UGT1A3: variants seen among roughly 807,000 people sequenced by gnomAD.
The protein encoded by UGT1A3 is UDP glucuronosyltransferase family 1 member A3.
UGT1A3 carries 31 observed loss-of-function variants against 41.0 expected under a neutral mutation model. The observed-to-expected ratio is 0.76, with a 90% CI of 0.57 to 1.02. UGT1A3 has a LOEUF of 1.02. Among genes scored for constraint, UGT1A3 ranks in the 50% least tolerant of loss-of-function variants. UGT1A3 has a pLI of 0.00. For missense variants in UGT1A3, 737 were observed against 671.0 expected (o/e 1.10, Z -1.09); for synonymous variants, 262 against 257.6 (o/e 1.02, Z -0.17).
At chr2:233,771,313 C>G (rs1428095504) in intron 4 of UGT1A3, 1 of 152,138 alleles carries the variant, frequency 6.6e-6, no homozygotes, top group Non-Finnish European at 1.5e-5. Context: ...CCTTTTCCCT[C>G]TCCTCTTCAA....
chr2:233,766,201 G>C (rs544565545), intron 1 of UGT1A3, among the ~76,000 whole-genome samples: 1 of 152,254 alleles, frequency 6.6e-6, no homozygotes, highest in East Asian at 1.9e-4. Flanking sequence ...CTCAGCAGAT[G>C]GGGGAAGCCA....
rs138085546 is a variant in UGT1A3, at chr2:233,729,586, G to T, written c.460G>T (p.Val154Phe). Reference sequence around the variant, plus strand: ...CTTTGATGTGGTTTTAACAGACCCCGTTAACCTCTGCGCGGCAGTGCTGGC... The same window carrying T: ...CTTTGATGTGGTTTTAACAGACCCCTTTAACCTCTGCGCGGCAGTGCTGGC... Reference protein sequence around the residue: ...TSFDVVLTDPVNLCAAVLAKY... With the variant: ...TSFDVVLTDPFNLCAAVLAKY... The change falls in exon 1 of 5, where the codon GTT becomes TTT. Residue 154 changes from valine (V) to phenylalanine (F), a missense_variant. Transcript: ENST00000482026. 4 of 1,614,044 alleles carry T rather than the reference G, an allele frequency of 2.5e-6. No homozygotes were observed. The highest frequency in any genetic ancestry group is 2.5e-6 in the Non-Finnish European group (3 of 1,179,986).
chr2:233,738,642 C>A (rs182421853), intron 1 of UGT1A3, among the ~76,000 whole-genome samples: 1 of 152,330 alleles, frequency 6.6e-6, no homozygotes, highest in East Asian at 1.9e-4. Context: ...TGCCCTAGAG[C>A]TCTTTGGAAC....
At chr2:233,771,903 G>C (rs937853722) in intron 4 of UGT1A3, among the ~76,000 whole-genome samples, 1 of 151,428 alleles carries the variant, frequency 6.6e-6, no homozygotes, top group Non-Finnish European at 1.5e-5. Context: ...AACCTTTCAG[G>C]TGATAATAGT....
chr2:233,760,162 T>C (rs967006180), intron 1 of UGT1A3: 7 of 1,514,606 alleles, frequency 4.6e-6, no homozygotes, highest in Admixed American at 4.0e-5. Flanking sequence ...CTGCTACCTT[T>C]GTGGACTGAC....
At chr2:233,749,384 C>T (rs1010265911) in intron 1 of UGT1A3, among the ~76,000 whole-genome samples, 1 of 151,836 alleles carries the variant, frequency 6.6e-6, no homozygotes, top group Non-Finnish European at 1.5e-5. Flanking sequence ...TCCAGTTTTT[C>T]AATGTGAACA....
At chr2:233,746,748 A>G in intron 1 of UGT1A3, among the ~76,000 whole-genome samples, 1 of 151,864 alleles carries the variant, frequency 6.6e-6, no homozygotes. Flanking sequence ...GTTCCAAAGC[A>G]GAGATTAATT....
intron 1 of UGT1A3, chr2:233,760,840 C>T: frequency 6.2e-7 from 1 of 1,613,860 alleles, no homozygotes; most frequent in Non-Finnish European, 8.5e-7. Context: ...TGAGGCTACC[C>T]AGTGCCCCAA....
At chr2:233,764,036 G>T (rs905956037) in intron 1 of UGT1A3, among the ~76,000 whole-genome samples, 5 of 152,136 alleles carry the variant, frequency 3.3e-5, no homozygotes, top group Non-Finnish European at 7.4e-5. Flanking sequence ...TGCTAAAGAA[G>T]AATTCTGGGA....
At chr2:233,760,913 G>A (rs747662045) in intron 1 of UGT1A3, 10 of 1,614,168 alleles carry the variant, frequency 6.2e-6, no homozygotes, top group South Asian at 4.4e-5. Flanking sequence ...TTCCTGCAGC[G>A]GGTGAAGAAC....
chr2:233,768,582 C>CTTTT (rs139595073), intron 4 of UGT1A3, 143 bp downstream of exon 4: 40 of 1,033,114 alleles, frequency 3.9e-5, no homozygotes, highest in African/African-American at 2.8e-4. Context: ...TTTATTTCTT[C>CTTTT]TTTTTTTTTT....
At chr2:233,749,019 A>C (rs1274313061) in intron 1 of UGT1A3, among the ~76,000 whole-genome samples, 1 of 151,468 alleles carries the variant, frequency 6.6e-6, no homozygotes, top group Non-Finnish European at 1.5e-5. Context: ...TTAATCCAGA[A>C]TATTTGGGGT....
rs200041554 is a variant in UGT1A3, at chr2:233,772,747, T to C, written c.*188T>C. The C allele has an allele frequency of 7.0e-7, 1 of 1,423,162 alleles. No individual in the cohort carries two copies. Among genetic ancestry groups the C allele is most frequent in the South Asian group, 1.5e-5 (1 of 67,222 alleles). The allele number at this position is 1,423,162 out of a possible 1,614,324, so 88.2% of individuals were successfully genotyped here. A position where few individuals can be genotyped will look rare whatever the true frequency, so the allele number is the denominator to read the frequency against. On this transcript the variant is annotated 3_prime_UTR_variant, in exon 5 of 5. Coordinates refer to ENST00000482026, the MANE Select transcript of UGT1A3 (RefSeq NM_019093.4). ...TAGACTCGCTAGTCAGTAAAGATAT[T>C]TGAATATGTATCGTGCCCCCTCTGG...
intron 4 of UGT1A3, chr2:233,771,391 T>C (rs562546600): frequency 6.6e-6 from 1 of 152,294 alleles, no homozygotes; most frequent in East Asian, 1.9e-4. Flanking sequence ...GATGTTCTGA[T>C]TGGGCAATGA....
At chr2:233,749,097 G>C (rs753925486) in intron 1 of UGT1A3, among the ~76,000 whole-genome samples, 1 of 151,770 alleles carries the variant, frequency 6.6e-6, no homozygotes, top group Non-Finnish European at 1.5e-5. Context: ...TATTTCATGA[G>C]AGAATTCAGC....
At position 233,764,542 on chromosome 2, in the gene UGT1A3, C is replaced by T. The variant is rs34078324; in HGVS notation, c.868-2492C>T. ...CACATCCTGCTGATTGCTGAGTGGGCGTGTGGGAGGGTGTGCCTGGAGGAG... is the reference window on the plus strand; with the variant it reads ...CACATCCTGCTGATTGCTGAGTGGGTGTGTGGGAGGGTGTGCCTGGAGGAG... On this transcript the variant is annotated intron_variant, in intron 1 of 4. Transcript: ENST00000482026. Among the ~76,000 whole-genome samples, 1,361 of 152,150 alleles carry T rather than the reference C, an allele frequency of 8.9e-3. 20 individuals carry two copies. The highest frequency in any genetic ancestry group is 0.032 in the African/African-American group (1,309 of 41,498).
Position 233,760,394 on chromosome 2 carries a change from A to G in UGT1A3, c.868-6640A>G, listed in dbSNP as rs1244863017. On this transcript the variant is annotated intron_variant, in intron 1 of 4. Coordinates refer to ENST00000482026, the MANE Select transcript of UGT1A3 (RefSeq NM_019093.4). ...GGGAAGATACTGTTGATCCCAGTGG[A>G]TGGCAGCCACTGGCTGAGCATGCTT... 2.5e-6 allele frequency: 4 copies of G among 1,614,048 alleles called. No individual in the cohort carries two copies. Among genetic ancestry groups the G allele is most frequent in the African/African-American group, 1.3e-5 (1 of 74,926 alleles).
intron 1 of UGT1A3, among the ~76,000 whole-genome samples, chr2:233,732,129 GTTGT>G (rs201829156): frequency 0.39 from 58,964 of 151,470 alleles, 11,923 homozygotes; most frequent in African/African-American, 0.5. Context: ...TTTTGATGAG[GTTGT>G]TTGTTTGTTT....
intron 1 of UGT1A3, among the ~76,000 whole-genome samples, chr2:233,749,606 T>A (rs1054542224): frequency 2.6e-5 from 4 of 151,906 alleles, no homozygotes; most frequent in Admixed American, 2.6e-4. Context: ...CACACTAGAT[T>A]TATCATGATT....
Sources: allele counts gnomAD v4.1 joint callset (sites outside exome capture counted in the v4.1 genomes callset), GRCh38; gene constraint gnomAD v4.1.1; transcripts MANE v1.5; gene names NCBI Gene and HGNC (gene_info 2026-07-23, HGNC 2026-07-21).